SLIT1: variants seen among roughly 807,000 people sequenced by gnomAD.
SLIT1 encodes the protein slit homolog 1 protein.
SLIT1 carries 66 observed loss-of-function variants against 186.1 expected under a neutral mutation model. That is an observed-to-expected ratio of 0.35 (90% CI 0.29 to 0.44). The LOEUF is 0.44. Among genes scored for constraint, SLIT1 ranks in the 20% least tolerant of loss-of-function variants. The pLI, the probability that SLIT1 is intolerant of heterozygous loss-of-function variation, is 1.00. For synonymous variants in SLIT1, 761 were observed against 833.8 expected (o/e 0.91, Z 1.50); for missense variants, 1,638 against 2,037.4 (o/e 0.80, Z 3.77).
intron 4 of SLIT1, among the ~76,000 whole-genome samples, chr10:97,116,475 C>T (rs1041067596): frequency 6.6e-6 from 1 of 152,056 alleles, no homozygotes; most frequent in Non-Finnish European, 1.5e-5. Context: ...CACCCCCTAC[C>T]CACAGGTCTA....
chr10:97,047,787 A>G lies in SLIT1; in HGVS notation c.1537T>C (p.Cys513Arg), dbSNP rs1211939760. 2 of 1,613,978 alleles carry G rather than the reference A, an allele frequency of 1.2e-6. No homozygotes were observed. Among genetic ancestry groups the G allele is most frequent in the African/African-American group, 2.7e-5 (2 of 74,940 alleles). ...GCCTCACAGCGGCACTTGTGGGGAC[A>G]GACCACGTCGCTGTTGCACTCGCTG... ...LNSECNSDVV[C>R]PHKCRCEANV... The change falls in exon 16 of 37, where the codon TGT becomes CGT. Residue 513 changes from cysteine to arginine, a missense_variant. By Grantham distance (180) the Cys-to-Arg change is radical. Transcript: ENST00000266058.
chr10:97,117,812 G>A (rs1394394167), intron 4 of SLIT1, among the ~76,000 whole-genome samples: 3 of 152,302 alleles, frequency 2.0e-5, no homozygotes, highest in African/African-American at 7.2e-5. Context: ...TGTGAATGGA[G>A]GGGCCTAAAA....
At chr10:97,147,558 C>A (rs1033743530) in intron 4 of SLIT1, among the ~76,000 whole-genome samples, 8 of 151,784 alleles carry the variant, frequency 5.3e-5, no homozygotes, top group Non-Finnish European at 1.2e-4. Flanking sequence ...TTTCAGGCAA[C>A]CTGTGGGAGA....
Position 97,088,999 on chromosome 10 carries a change from C to T in SLIT1, c.414-22913G>A, listed in dbSNP as rs528045812. ...AGAAGCCAGAAGCCCCGGCCACTTG[C>T]CCAGCCTGCAGGTGCACTCCTGGGC... On this transcript the variant is annotated intron_variant, in intron 4 of 36. Transcript: ENST00000266058. 2.0e-5 allele frequency among the ~76,000 whole-genome samples: 3 copies of T among 152,268 alleles called. No homozygotes were observed. The East Asian group carries it at 5.8e-4, about 29-fold the overall frequency.
At chr10:97,057,095 C>T (rs916589714) in intron 12 of SLIT1, 115 bp downstream of exon 12, 27 of 754,904 alleles carry the variant, frequency 3.6e-5, no homozygotes, top group Non-Finnish European at 5.8e-5. Flanking sequence ...CTTCCAAGCT[C>T]ATTGTCTCAA....
chr10:97,097,871 C>T (rs896314307), intron 4 of SLIT1, among the ~76,000 whole-genome samples: 1 of 152,230 alleles, frequency 6.6e-6, no homozygotes, highest in Non-Finnish European at 1.5e-5. Context: ...CTCTGCCATG[C>T]CCTACAAAGA....
chr10:97,036,329 A>C (rs1848638191), intron 22 of SLIT1, among the ~76,000 whole-genome samples: 1 of 152,166 alleles, frequency 6.6e-6, no homozygotes, highest in African/African-American at 2.4e-5. Flanking sequence ...AAGCACTCTG[A>C]CACCAGCCAC....
intron 1 of SLIT1, among the ~76,000 whole-genome samples, chr10:97,172,015 C>T (rs183457634): frequency 2.4e-4 from 36 of 152,064 alleles, no homozygotes; most frequent in Admixed American, 7.9e-4. Flanking sequence ...CAACCCTCTC[C>T]TCTGTAGCAT....
intron 1 of SLIT1, among the ~76,000 whole-genome samples, chr10:97,171,675 C>T (rs867151876): frequency 3.3e-5 from 5 of 152,012 alleles, no homozygotes; most frequent in South Asian, 4.2e-4. Flanking sequence ...AAAAATTAGC[C>T]GGGTGTGGTG....
intron 4 of SLIT1, among the ~76,000 whole-genome samples, chr10:97,134,444 C>G (rs1221209968): frequency 6.6e-6 from 1 of 152,162 alleles, no homozygotes; most frequent in Non-Finnish European, 1.5e-5. Flanking sequence ...GAAAGGGCGG[C>G]CTGTTCTCTC....
intron 1 of SLIT1, among the ~76,000 whole-genome samples, chr10:97,168,709 G>T (rs984375967): frequency 5.3e-5 from 8 of 152,132 alleles, no homozygotes; most frequent in Admixed American, 5.2e-4. Flanking sequence ...ATGAGCATTT[G>T]GGAGGAATAC....
At chr10:97,112,068 C>T (rs1239910625) in intron 4 of SLIT1, among the ~76,000 whole-genome samples, 3 of 152,216 alleles carry the variant, frequency 2.0e-5, no homozygotes, top group African/African-American at 7.2e-5. Context: ...TGCGGGTTCT[C>T]AAACTTATCA....
chr10:97,113,799 G>A (rs1432189919), intron 4 of SLIT1, among the ~76,000 whole-genome samples: 2 of 151,522 alleles, frequency 1.3e-5, no homozygotes, highest in East Asian at 2.0e-4. Context: ...CAGGTGATAC[G>A]CTCGCCTCGG....
intron 4 of SLIT1, among the ~76,000 whole-genome samples, chr10:97,114,670 A>G (rs1849494325): frequency 6.6e-6 from 1 of 152,126 alleles, no homozygotes. Flanking sequence ...ACAGAAAAAT[A>G]AAAAGTCCAA....
intron 4 of SLIT1, among the ~76,000 whole-genome samples, chr10:97,078,466 T>C (rs1849068944): frequency 1.3e-5 from 2 of 152,222 alleles, no homozygotes; most frequent in Non-Finnish European, 2.9e-5. Context: ...TAACATTTCC[T>C]TGAACCCGGC....
At chr10:97,038,039 C>G (rs1564659107) in intron 21 of SLIT1, among the ~76,000 whole-genome samples, 1 of 152,184 alleles carries the variant, frequency 6.6e-6, no homozygotes, top group Admixed American at 6.5e-5. Context: ...CTCCCAGCCT[C>G]CTCCTTGTCC....
chr10:97,089,760 G>A (rs1281480179), intron 4 of SLIT1, among the ~76,000 whole-genome samples: 2 of 152,102 alleles, frequency 1.3e-5, no homozygotes, highest in African/African-American at 2.4e-5. Flanking sequence ...GGGGTTCACC[G>A]GGGAGGATGG....
chr10:97,081,488 C>T (rs982886833), intron 4 of SLIT1, among the ~76,000 whole-genome samples: 1 of 152,176 alleles, frequency 6.6e-6, no homozygotes, highest in Non-Finnish European at 1.5e-5. Flanking sequence ...AAGACCATGC[C>T]CCATTCTTCC....
intron 21 of SLIT1, 59 bp downstream of exon 21, chr10:97,039,929 C>A: frequency 6.3e-7 from 1 of 1,583,222 alleles, no homozygotes; most frequent in South Asian, 1.1e-5. Context: ...TCAGGAAATG[C>A]CCCCACTGTC....
Sources: allele counts gnomAD v4.1 joint callset (sites outside exome capture counted in the v4.1 genomes callset), GRCh38; gene constraint gnomAD v4.1.1; transcripts MANE v1.5; gene names NCBI Gene and HGNC (gene_info 2026-07-23, HGNC 2026-07-21).